The following C8orf34 variants were observed in gnomAD, a reference collection of about 807,000 sequenced individuals.
The protein encoded by C8orf34 is uncharacterized protein C8orf34.
A neutral mutation model predicts 68.3 loss-of-function variants in C8orf34; 65 were observed. The observed-to-expected ratio is 0.95, with a 90% CI of 0.78 to 1.17. The LOEUF (loss-of-function observed/expected upper bound fraction) is 1.17, where lower values mean the gene tolerates loss of function less well. Ranked by LOEUF, C8orf34 falls within the 50% of genes most tolerant of loss-of-function variation. C8orf34 has a pLI of 0.00. For synonymous variants in C8orf34, 244 were observed against 241.2 expected, an observed-to-expected ratio of 1.01 and a Z score of -0.11; for missense variants, 664 against 655.4, an observed-to-expected ratio of 1.01 and a Z score of -0.14.
chr8:68,748,475 G>A (rs538953639), intron 10 of C8orf34, among the ~76,000 whole-genome samples: 1 of 150,842 alleles, frequency 6.6e-6, no homozygotes, highest in South Asian at 2.1e-4. Context: ...GAAAATTTTT[G>A]CAACCTACTC....
intron 8 of C8orf34, among the ~76,000 whole-genome samples, chr8:68,669,142 C>T (rs909358220): frequency 1.3e-5 from 2 of 152,094 alleles, no homozygotes; most frequent in African/African-American, 4.8e-5. Context: ...ATATCCATTT[C>T]AACTCTGAAA....
intron 8 of C8orf34, among the ~76,000 whole-genome samples, chr8:68,703,674 A>G (rs994791578): frequency 6.6e-6 from 1 of 152,044 alleles, no homozygotes. Flanking sequence ...TTGTCCTTTC[A>G]TCCTTCAGTG....
rs541459681 is a variant in C8orf34 at position 68,331,605 on chromosome 8, G to A, written c.327+266G>A. On this transcript the variant is annotated intron_variant, in intron 1 of 13. Transcript: ENST00000518698. ...CCTCAGCCTGGCAGGGGAAGTTTTGGCCCTCTGACTGTCCTGCACCTCTCA... is the reference window on the plus strand; with the variant it reads ...CCTCAGCCTGGCAGGGGAAGTTTTGACCCTCTGACTGTCCTGCACCTCTCA... 61 of 503,478 alleles carry A rather than the reference G, an allele frequency of 1.2e-4. 1 individual carries two copies. The highest frequency in any genetic ancestry group is 1.1e-3 in the South Asian group (57 of 50,328). 31.2% of individuals were successfully genotyped at this position (503,478 alleles called of 1,614,324 possible).
At chr8:68,628,353 A>G (rs1818596883) in intron 7 of C8orf34, among the ~76,000 whole-genome samples, 1 of 152,144 alleles carries the variant, frequency 6.6e-6, no homozygotes, top group Admixed American at 6.6e-5. Context: ...ACCAACAGAA[A>G]CATGGCCTGA....
At chr8:68,652,591 G>A (rs1043669621) in intron 8 of C8orf34, among the ~76,000 whole-genome samples, 1 of 152,116 alleles carries the variant, frequency 6.6e-6, no homozygotes, top group Non-Finnish European at 1.5e-5. Flanking sequence ...TTTTGTCTAT[G>A]ATGTGAGACA....
chr8:68,534,343 A>G, intron 7 of C8orf34: 1 of 985,000 alleles, frequency 1.0e-6, no homozygotes, highest in African/African-American at 1.7e-5. Flanking sequence ...TGGCAGTGGT[A>G]GCTTCATTCA....
chr8:68,498,256 A>T (rs1009455326), intron 5 of C8orf34, among the ~76,000 whole-genome samples: 5 of 152,224 alleles, frequency 3.3e-5, no homozygotes, highest in Non-Finnish European at 7.3e-5. Context: ...AAGAGATGGT[A>T]TGGGGGTAGA....
At chr8:68,357,132 TA>T (rs1806783990) in intron 1 of C8orf34, among the ~76,000 whole-genome samples, 2 of 152,142 alleles carry the variant, frequency 1.3e-5, no homozygotes. Context: ...ATGTTTTGTA[TA>T]AAAAATATAA....
intron 10 of C8orf34, among the ~76,000 whole-genome samples, chr8:68,767,074 A>G (rs374316917): frequency 6.6e-6 from 1 of 152,140 alleles, no homozygotes. Context: ...TGTGCCTGTA[A>G]TCCCAGCTAC....
At chr8:68,490,348 C>T (rs1016954565) in intron 5 of C8orf34, among the ~76,000 whole-genome samples, 8 of 152,030 alleles carry the variant, frequency 5.3e-5, no homozygotes, top group African/African-American at 9.7e-5. Flanking sequence ...TGACTTGCAG[C>T]GGCTTTGGTG....
At position 68,508,062 on chromosome 8, in the gene C8orf34, ATTAATC is replaced by A. The variant is rs1814103012; in HGVS notation, c.766-13732_766-13727del. 2.0e-5 allele frequency among the ~76,000 whole-genome samples: 3 copies of A among 152,222 alleles called. No individual in the cohort carries two copies. In the South Asian group the frequency reaches 6.2e-4, roughly 31 times the overall value. On this transcript the variant is annotated intron_variant, in intron 5 of 13. Transcript: ENST00000518698. ...ATTTAATATTTTCACAAAGATATAT[ATTAATC>A]TTAAACTATTTGTCTGGAAAGACCA... is the stretch of plus-strand genomic sequence containing the variant.
At chr8:68,454,769 A>G (rs1411741186) in intron 3 of C8orf34, among the ~76,000 whole-genome samples, 1 of 151,382 alleles carries the variant, frequency 6.6e-6, no homozygotes, top group Non-Finnish European at 1.5e-5. Flanking sequence ...AACCTTTACT[A>G]TTTTCATCCT....
chr8:68,713,665 A>C (rs961688814), intron 9 of C8orf34, among the ~76,000 whole-genome samples: 4 of 152,178 alleles, frequency 2.6e-5, no homozygotes, highest in Non-Finnish European at 4.4e-5. Context: ...AGTAATAAAA[A>C]AAATTGCCAA....
rs756529498 is a variant in C8orf34 at position 68,603,144 on chromosome 8, G to GTTT, written c.1106-37230_1106-37229insTTT. On this transcript the variant is annotated intron_variant, in intron 7 of 13. Transcript: ENST00000518698. The stretch of plus-strand genomic sequence containing the variant: ...GTTCGTGGGATTATGTCCAGGGTTT[G>GTTT]TTGTTGTTGTTGTTGCAAGAAGAAG... 1.1e-3 allele frequency among the ~76,000 whole-genome samples: 162 copies of GTTT among 151,820 alleles called. 2 individuals carry two copies. Among genetic ancestry groups the GTTT allele is most frequent in the African/African-American group, 3.6e-3 (150 of 41,392 alleles).
chr8:68,592,354 G>C (rs950379255), intron 7 of C8orf34, among the ~76,000 whole-genome samples: 7 of 151,758 alleles, frequency 4.6e-5, no homozygotes, highest in African/African-American at 1.7e-4. Context: ...AAGATCTTGG[G>C]CTTTTTCATT....
intron 8 of C8orf34, among the ~76,000 whole-genome samples, chr8:68,686,340 T>C (rs997638186): frequency 6.6e-6 from 1 of 151,920 alleles, no homozygotes; most frequent in Non-Finnish European, 1.5e-5. Flanking sequence ...AAAAGAAAAC[T>C]AATTACCAAT....
chr8:68,575,976 TTGC>T (rs1228851285), intron 7 of C8orf34, among the ~76,000 whole-genome samples: 6 of 133,476 alleles, frequency 4.5e-5, no homozygotes, highest in African/African-American at 1.9e-4. Flanking sequence ...TTTTTTTTTT[TTGC>T]CTTTGCTACT....
At chr8:68,806,714 A>T (rs1824498578) in intron 12 of C8orf34, among the ~76,000 whole-genome samples, 1 of 152,048 alleles carries the variant, frequency 6.6e-6, no homozygotes, top group Admixed American at 6.5e-5. Context: ...TATCGTTTTT[A>T]TATGTTTGGT....
chr8:68,340,785 C>T (rs1806037668), intron 1 of C8orf34, among the ~76,000 whole-genome samples: 1 of 152,068 alleles, frequency 6.6e-6, no homozygotes, highest in South Asian at 2.1e-4. Flanking sequence ...AAATACTTCC[C>T]AGTTTATTTT....
Sources: gnomAD v4.1 joint callset for allele counts (sites outside exome capture counted in the v4.1 genomes callset) on GRCh38, gnomAD v4.1.1 for gene constraint, MANE v1.5 for transcripts, NCBI Gene and HGNC (gene_info 2026-07-23, HGNC 2026-07-21) for gene names.